SERPINA1: variants seen among roughly 807,000 people sequenced by gnomAD.
The protein encoded by SERPINA1 is alpha-1-antitrypsin.
SERPINA1 carries 21 observed loss-of-function variants against 25.4 expected under a neutral mutation model. That is an observed-to-expected ratio of 0.83 (90% CI 0.59 to 1.19). The LOEUF is 1.19. Ranked by LOEUF, SERPINA1 falls within the 50% of genes most tolerant of loss-of-function variation. SERPINA1 has a pLI of 0.00. For missense variants in SERPINA1, 546 were observed against 509.0 expected (o/e 1.07, Z -0.70); for synonymous variants, 218 against 211.1 (o/e 1.03, Z -0.29).
At position 94,378,053 on chromosome 14, in the gene SERPINA1, G is replaced by C. The variant is rs1896489378; in HGVS notation, c.*396C>G. 1 of 225,862 alleles carries C rather than the reference G, an allele frequency of 4.4e-6. No homozygotes were observed. The highest frequency in any genetic ancestry group is 2.2e-5 in the African/African-American group (1 of 44,586). 14.0% of individuals were successfully genotyped at this position (225,862 alleles called of 1,614,324 possible). ...GTGGGGGGGAGTGGGGGATGAGCAGGGGGACATGAAGATGCTTGGTGGAGC... is the reference window on the plus strand; with the variant it reads ...GTGGGGGGGAGTGGGGGATGAGCAGCGGGACATGAAGATGCTTGGTGGAGC... On this transcript the variant is annotated 3_prime_UTR_variant, in exon 5 of 5. Coordinates refer to ENST00000393087, the MANE Select transcript of SERPINA1 (RefSeq NM_000295.5).
rs1566756972 is a variant in SERPINA1 at position 94,382,785 on chromosome 14, CACT to C, written c.450_452del (p.Val151del). On this transcript the variant is annotated inframe_deletion, in exon 2 of 5. Coordinates refer to ENST00000393087, the MANE Select transcript of SERPINA1 (RefSeq NM_000295.5). ...TTTTAACATCCTCCAAAAACTTATC[CACT>C]AGCTTCAGGCCCTCGCTGAGGAACA... 1 of 1,614,234 alleles carries C rather than the reference CACT, an allele frequency of 6.2e-7. No homozygotes were observed. The highest frequency in any genetic ancestry group is 1.1e-5 in the South Asian group (1 of 91,082).
intron 4 of SERPINA1, 136 bp from the exon 5 acceptor site, chr14:94,378,776 A>G (rs2139667434): frequency 1.1e-6 from 1 of 943,866 alleles, no homozygotes; most frequent in Non-Finnish European, 1.7e-6. Context: ...TCCCTGTCAC[A>G]TAGGCCTTGC....
At chr14:94,387,325 T>C (rs1346365275) in intron 1 of SERPINA1, among the ~76,000 whole-genome samples, 1 of 152,218 alleles carries the variant, frequency 6.6e-6, no homozygotes, top group African/African-American at 2.4e-5. Context: ...TAAATACACA[T>C]AAAATGCCAA....
At position 94,383,216 on chromosome 14, in the gene SERPINA1, C is replaced by T. The variant is rs1410013401; in HGVS notation, c.22G>A (p.Gly8Ser). 1.9e-6 allele frequency: 3 copies of T among 1,613,426 alleles called. No individual in the cohort carries two copies. Among genetic ancestry groups the T allele is most frequent in the Non-Finnish European group, 1.7e-6 (2 of 1,179,990 alleles). MPSSVSW[G>S]ILLLAGLCCL... ...CACAGGCCTGCCAGCAGGAGGATGC[C>T]CCACGAGACAGAAGACGGCATTGTC... is the stretch of plus-strand genomic sequence containing the variant. The change falls in exon 2 of 5, where the codon GGC becomes AGC. Residue 8 changes from glycine (G) to serine (S), a missense_variant. Coordinates refer to ENST00000393087, the MANE Select transcript of SERPINA1 (RefSeq NM_000295.5).
At chr14:94,382,266 A>C (rs1363956395) in intron 2 of SERPINA1, among the ~76,000 whole-genome samples, 2 of 152,198 alleles carry the variant, frequency 1.3e-5, no homozygotes, top group African/African-American at 2.4e-5. Flanking sequence ...TGTTCCATGA[A>C]ACTATCCCTT....
chr14:94,389,047 A>T (rs969588024), upstream of SERPINA1: 2 of 152,256 alleles, frequency 1.3e-5, no homozygotes, highest in African/African-American at 2.4e-5. Context: ...CATTTGACAG[A>T]TGAGGAAACA....
rs1195573947 is a variant in SERPINA1, at chr14:94,377,734, T to C, written c.*715A>G. On this transcript the variant is annotated 3_prime_UTR_variant, in exon 5 of 5. Coordinates refer to ENST00000393087, the MANE Select transcript of SERPINA1 (RefSeq NM_000295.5). ...GGACCTGATTCTAAACGGAGATATG[T>C]GAGGCTTTCTGGGGCAGCGATGGAA... 6.6e-6 allele frequency: 1 copy of C among 152,342 alleles called. No individual in the cohort carries two copies. The highest frequency in any genetic ancestry group is 1.5e-5 in the Non-Finnish European group (1 of 68,222). The allele number at this position is 152,342 out of a possible 1,614,324, so 9.4% of individuals were successfully genotyped here.
At chr14:94,381,475 T>C (rs542522117) in intron 2 of SERPINA1, among the ~76,000 whole-genome samples, 2 of 152,338 alleles carry the variant, frequency 1.3e-5, no homozygotes, top group African/African-American at 4.8e-5. Flanking sequence ...AATAAAATGT[T>C]GGAGCATCAG....
chr14:94,382,581 A>G lies in SERPINA1; in HGVS notation c.646+11T>C, dbSNP rs373951713. 10 of 1,614,118 alleles carry G rather than the reference A, an allele frequency of 6.2e-6. No homozygotes were observed. Among genetic ancestry groups the G allele is most frequent in the Middle Eastern group, 1.6e-4 (1 of 6,084 alleles). On this transcript the variant is annotated intron_variant, in intron 2 of 4. Coordinates refer to ENST00000393087, the MANE Select transcript of SERPINA1 (RefSeq NM_000295.5). The stretch of plus-strand genomic sequence containing the variant: ...CTATGGGAACAGCTCAGGCTGGTTG[A>G]GCAACCTTACCTTTAAAGAAGATGT...
At position 94,381,129 on chromosome 14, in the gene SERPINA1, C is replaced by A. The variant is rs1405702444; in HGVS notation, c.659G>T (p.Arg220Ile). ...CTCGGTGTCCTTGACTTCAAAGGGTCTCTCCCATTTGCCTGGAGAGAGGGG... is the reference window on the plus strand; with the variant it reads ...CTCGGTGTCCTTGACTTCAAAGGGTATCTCCCATTTGCCTGGAGAGAGGGG... ...NYIFFKGKWE[R>I]PFEVKDTEEE... Residue 220 changes from arginine (R) to isoleucine (I), a missense_variant, in exon 3 of 5, where the codon AGA becomes ATA. Physicochemically the swap from Arg to Ile is moderately conservative, Grantham distance 97 (BLOSUM62 -3). Coordinates refer to ENST00000393087, the MANE Select transcript of SERPINA1 (RefSeq NM_000295.5). The A allele has an allele frequency of 1.2e-6, 2 of 1,612,438 alleles. No individual in the cohort carries two copies. Among genetic ancestry groups the A allele is most frequent in the Admixed American group, 1.7e-5 (1 of 59,970 alleles).
Position 94,382,884 on chromosome 14 carries a change from T to G in SERPINA1, c.354A>C (p.Glu118Asp). Residue 118 changes from glutamate (E) to aspartate (D), a missense_variant, in exon 2 of 5, where the codon GAA (glutamate) becomes GAC (aspartate). By Grantham distance (45) the Glu-to-Asp change is conservative. Coordinates refer to ENST00000393087, the MANE Select transcript of SERPINA1 (RefSeq NM_000295.5). ...LTEIPEAQIH[E>D]GFQELLRTLN... ...GGGTACGGAGGAGTTCCTGGAAGCC[T>G]TCATGGATCTGAGCCTCCGGAATCT... The G allele has an allele frequency of 1.9e-6, 3 of 1,614,060 alleles. No homozygotes were observed. The highest frequency in any genetic ancestry group is 1.7e-6 in the Non-Finnish European group (2 of 1,179,894).
rs1896500153 is a variant in SERPINA1 at position 94,378,187 on chromosome 14, T to C, written c.*262A>G. 3.6e-6 allele frequency: 2 copies of C among 560,152 alleles called. No individual in the cohort carries two copies. Among genetic ancestry groups the C allele is most frequent in the African/African-American group, 3.8e-5 (2 of 53,150 alleles). 34.7% of individuals were successfully genotyped at this position (560,152 alleles called of 1,614,324 possible). A position where few individuals can be genotyped will look rare whatever the true frequency, so the allele number is the denominator to read the frequency against. On this transcript the variant is annotated 3_prime_UTR_variant, in exon 5 of 5. Coordinates refer to ENST00000393087, the MANE Select transcript of SERPINA1 (RefSeq NM_000295.5). Reference sequence around the variant, plus strand: ...CCAGAAACAGATGGGCCCAGGTCCGTAAGCTGAGGATTCAGTCCCCCCTGG... The same window carrying C: ...CCAGAAACAGATGGGCCCAGGTCCGCAAGCTGAGGATTCAGTCCCCCCTGG...
chr14:94,379,324 C>T, intron 4 of SERPINA1, 140 bp downstream of exon 4: 2 of 1,270,086 alleles, frequency 1.6e-6, no homozygotes, highest in South Asian at 2.4e-5. Flanking sequence ...GTCAGTGAAT[C>T]ACGGGCATCT....
chr14:94,378,435 G>A lies in SERPINA1; in HGVS notation c.*14C>T, dbSNP rs760149475. 3 of 1,613,146 alleles carry A rather than the reference G, an allele frequency of 1.9e-6. No individual in the cohort carries two copies. The highest frequency in any genetic ancestry group is 2.5e-6 in the Non-Finnish European group (3 of 1,179,088). On this transcript the variant is annotated 3_prime_UTR_variant, in exon 5 of 5. Coordinates refer to ENST00000393087, the MANE Select transcript of SERPINA1 (RefSeq NM_000295.5). Reference sequence around the variant, plus strand: ...GCCAGGGATGGAGGGGAGGGGTTGAGGAGCGAGAGGCAGTTATTTTTGGGT... The same window carrying A: ...GCCAGGGATGGAGGGGAGGGGTTGAAGAGCGAGAGGCAGTTATTTTTGGGT...
At chr14:94,388,785 C>T (rs1157025665), upstream of SERPINA1, 1 of 152,318 alleles carries the variant, frequency 6.6e-6, no homozygotes, top group Non-Finnish European at 1.5e-5. Flanking sequence ...CAGTGTACAG[C>T]TTCCACTGCA....
chr14:94,384,670 T>C (rs1174595171), intron 1 of SERPINA1, among the ~76,000 whole-genome samples: 2 of 152,168 alleles, frequency 1.3e-5, no homozygotes, highest in Admixed American at 1.3e-4. Flanking sequence ...CTGAGGAGAA[T>C]ATGCCCGGCA....
chr14:94,386,441 G>T (rs1463243752), intron 1 of SERPINA1, among the ~76,000 whole-genome samples: 5 of 152,198 alleles, frequency 3.3e-5, no homozygotes, highest in Admixed American at 3.3e-4. Context: ...GTTGAACTGG[G>T]CAATAAATAA....
intron 3 of SERPINA1, among the ~76,000 whole-genome samples, chr14:94,380,382 C>G (rs754433808): frequency 5.9e-5 from 9 of 152,214 alleles, no homozygotes; most frequent in South Asian, 2.1e-4. Context: ...GACAGAGAAA[C>G]GCAAGCCTTC....
rs537285845 is a variant in SERPINA1, at chr14:94,382,802, C to T, written c.436G>A (p.Glu146Lys). The T allele has an allele frequency of 1.4e-5, 22 of 1,614,264 alleles. No homozygotes were observed. The highest frequency in any genetic ancestry group is 1.2e-4 in the African/African-American group (9 of 75,082). ...LTTGNGLFLS[E>K]GLKLVDKFLE... ...AACTTATCCACTAGCTTCAGGCCCT[C>T]GCTGAGGAACAGGCCATTGCCGGTG... Residue 146 changes from glutamate (E) to lysine (K), a missense_variant, in exon 2 of 5, where the codon GAG becomes AAG. By Grantham distance (56) the Glu-to-Lys change is moderately conservative. Coordinates refer to ENST00000393087, the MANE Select transcript of SERPINA1 (RefSeq NM_000295.5).
Sources: allele counts gnomAD v4.1 joint callset (sites outside exome capture counted in the v4.1 genomes callset), GRCh38; gene constraint gnomAD v4.1.1; transcripts MANE v1.5; gene names NCBI Gene and HGNC (gene_info 2026-07-23, HGNC 2026-07-21).